CABP1: variants seen among roughly 807,000 people sequenced by gnomAD.
CABP1 encodes the protein calcium-binding protein 1.
A neutral mutation model predicts 34.3 loss-of-function variants in CABP1; 17 were observed. The ratio of observed to expected loss-of-function variants is 0.50; its 90% CI spans 0.34 to 0.74. The LOEUF (loss-of-function observed/expected upper bound fraction) is 0.74. Ranked by LOEUF, CABP1 falls within the 30% of genes least tolerant of loss-of-function variation. CABP1 has a pLI of 0.01. For missense variants in CABP1, 373 were observed against 511.1 expected, an observed-to-expected ratio of 0.73 and a Z score of 2.61; for synonymous variants, 198 against 229.2, an observed-to-expected ratio of 0.86 and a Z score of 1.23.
chr12:120,666,027 AAAAAG>A (rs1218702585), intron 5 of CABP1, among the ~76,000 whole-genome samples: 9 of 148,066 alleles, frequency 6.1e-5, no homozygotes, highest in South Asian at 2.2e-4. Context: ...CAAAAAAAAA[AAAAAG>A]AAAAGAGAGA....
intron 1 of CABP1, among the ~76,000 whole-genome samples, chr12:120,644,143 T>TC (rs2137326871): frequency 6.6e-6 from 1 of 152,346 alleles, no homozygotes; most frequent in South Asian, 2.1e-4. Context: ...GATCTCTGTG[T>TC]CCTTGGGCAT....
In CABP1 at chr12:120,655,813, G is replaced by A. The variant is rs1479417543; in HGVS notation, c.655-4065G>A. The A allele has an allele frequency of 6.7e-6, 10 of 1,492,770 alleles. No homozygotes were observed. In the African/African-American group the frequency reaches 1.2e-4, roughly 18 times the overall value. 92.5% of individuals were successfully genotyped at this position (1,492,770 alleles called of 1,614,324 possible). A position where few individuals can be genotyped will look rare whatever the true frequency, so the allele number is the denominator to read the frequency against. ...GGTGTGTGATTCTGTGCATATGTAT[G>A]TGCCAGTGCGTGCGTGCGTGTGTGT... is the stretch of plus-strand genomic sequence containing the variant. On this transcript the variant is annotated intron_variant, in intron 1 of 5. Transcript: ENST00000316803.
chr12:120,679,657 G>A, the CABP1 span, among the ~76,000 whole-genome samples: 2 of 151,098 alleles, frequency 1.3e-5, no homozygotes, highest in Admixed American at 1.3e-4. Context: ...GAGAAACCCC[G>A]TCTCTACTAA....
chr12:120,667,999 G>A (rs1306774978), downstream of CABP1, among the ~76,000 whole-genome samples: 1 of 152,198 alleles, frequency 6.6e-6, no homozygotes, highest in Non-Finnish European at 1.5e-5. Flanking sequence ...ATACTGGTTG[G>A]AGAGACAGGC....
the CABP1 span, among the ~76,000 whole-genome samples, chr12:120,675,040 AG>A: frequency 1.3e-5 from 2 of 150,766 alleles, no homozygotes; most frequent in African/African-American, 4.9e-5. Flanking sequence ...TTTTATTTTT[AG>A]TTTTTTTAAA....
chr12:120,640,728 G>C lies in CABP1; in HGVS notation c.43G>C (p.Gly15Arg). Reference protein sequence around the residue: ...DGAAFKRPGDGARLQRVLGLG... With the variant: ...DGAAFKRPGDRARLQRVLGLG... ...GGCCGCATTTAAGCGGCCGGGGGAC[G>C]GCGCCCGCCTCCAGCGCGTCCTCGG... The change falls in exon 1 of 6, where the codon GGC (glycine) becomes CGC (arginine). Residue 15 changes from glycine (G) to arginine (R), a missense_variant. Transcript: ENST00000316803. The surrounding 1 kb of genome is among the most constrained non-coding windows in gnomAD (Gnocchi z 6.2). 2 of 1,184,302 alleles carry C rather than the reference G, an allele frequency of 1.7e-6. No homozygotes were observed. The highest frequency in any genetic ancestry group is 1.0e-6 in the Non-Finnish European group (1 of 957,464). The allele number at this position is 1,184,302 out of a possible 1,614,324, so 73.4% of individuals were successfully genotyped here. A position where few individuals can be genotyped will look rare whatever the true frequency, so the allele number is the denominator to read the frequency against.
In CABP1 at chr12:120,640,837, C is replaced by A. The variant is rs1434786064; in HGVS notation, c.152C>A (p.Ala51Glu). ...RRTAPPPPGH[A>E]SAGPAAMSSH... ...ACCGCGCCGCCCCCGCCGGGCCATG[C>A]GAGCGCGGGCCCCGCCGCGATGAGC... The change falls in exon 1 of 6, where the codon GCG becomes GAG. Residue 51 changes from alanine (A) to glutamate (E), a missense_variant. By Grantham distance (107) the Ala-to-Glu change is moderately radical. This residue lies in a region of CABP1 where 134 missense variants were observed against 145.4 expected (regional missense o/e 0.92). Transcript: ENST00000316803. This position sits in a 1 kb window ranked among gnomAD's most constrained non-coding sequence, Gnocchi z 6.2. 2.8e-6 allele frequency: 3 copies of A among 1,073,164 alleles called. No individual in the cohort carries two copies. The highest frequency in any genetic ancestry group is 1.7e-5 in the African/African-American group (1 of 58,812). The allele number at this position is 1,073,164 out of a possible 1,614,324, so 66.5% of individuals were successfully genotyped here.
At chr12:120,657,619 T>G (rs1169803461) in intron 1 of CABP1, among the ~76,000 whole-genome samples, 1 of 152,160 alleles carries the variant, frequency 6.6e-6, no homozygotes, top group Non-Finnish European at 1.5e-5. Context: ...CATCCCTGGC[T>G]CTACTCCAGG....
At chr12:120,672,312 A>G (rs115014999), downstream of CABP1, among the ~76,000 whole-genome samples, 159 of 152,300 alleles carry the variant, frequency 1.0e-3, no homozygotes, top group African/African-American at 3.6e-3. Context: ...CAAATGGCTC[A>G]TATTCTTCAA....
chr12:120,656,131 G>A, intron 1 of CABP1: 1 of 1,614,206 alleles, frequency 6.2e-7, no homozygotes, highest in Non-Finnish European at 8.5e-7. Flanking sequence ...TGGTGGTGCA[G>A]ACGAGCGAGG....
the CABP1 span, among the ~76,000 whole-genome samples, chr12:120,675,861 A>C: frequency 6.6e-6 from 1 of 152,186 alleles, no homozygotes; most frequent in African/African-American, 2.4e-5. Flanking sequence ...TGATCACCTG[A>C]GGTCAGGAGT....
intron 1 of CABP1, among the ~76,000 whole-genome samples, chr12:120,656,503 G>A (rs1220237038): frequency 6.6e-6 from 1 of 152,148 alleles, no homozygotes; most frequent in East Asian, 1.9e-4. Context: ...GCACTTACTA[G>A]GTGAGCACTG....
intron 1 of CABP1, among the ~76,000 whole-genome samples, chr12:120,645,263 T>A (rs980748818): frequency 6.6e-6 from 1 of 152,146 alleles, no homozygotes; most frequent in Non-Finnish European, 1.5e-5. Context: ...GGAGCCCCTA[T>A]AGGCTTTCTC....
chr12:120,674,914 A>G, the CABP1 span, among the ~76,000 whole-genome samples: 1 of 150,054 alleles, frequency 6.7e-6, no homozygotes, highest in Non-Finnish European at 1.5e-5. Flanking sequence ...CCGCCAAAAA[A>G]AAAAAACACC....
At chr12:120,677,239 CACCATG>C in the CABP1 span, among the ~76,000 whole-genome samples, 1 of 151,822 alleles carries the variant, frequency 6.6e-6, no homozygotes, top group Non-Finnish European at 1.5e-5. Flanking sequence ...AGGCGCCTGC[CACCATG>C]CCTGGCTAAT....
intron 1 of CABP1, among the ~76,000 whole-genome samples, chr12:120,657,780 C>T (rs937005583): frequency 5.3e-5 from 8 of 152,252 alleles, no homozygotes; most frequent in South Asian, 4.1e-4. Flanking sequence ...ACAGGAGGAA[C>T]GGAAGGGGCT....
chr12:120,667,054 A>G lies in CABP1; in HGVS notation c.*154A>G. The G allele has an allele frequency of 5.8e-6, 4 of 694,442 alleles. No homozygotes were observed. Among genetic ancestry groups the G allele is most frequent in the Non-Finnish European group, 8.8e-6 (4 of 455,088 alleles). The allele number at this position is 694,442 out of a possible 1,614,324, so 43.0% of individuals were successfully genotyped here. ...GGGGAGGCGCCCACCCCGGACCCCC[A>G]CCCCTCCGCACTGTGAAAGACTAAC... On this transcript the variant is annotated 3_prime_UTR_variant, in exon 6 of 6. Transcript: ENST00000316803.
At chr12:120,672,982 A>G in the CABP1 span, among the ~76,000 whole-genome samples, 1 of 152,206 alleles carries the variant, frequency 6.6e-6, no homozygotes, top group East Asian at 1.9e-4. Context: ...GTGATCCGAG[A>G]TCGTGCCACT....
At chr12:120,647,904 A>G (rs1879625746) in intron 1 of CABP1, among the ~76,000 whole-genome samples, 1 of 152,008 alleles carries the variant, frequency 6.6e-6, no homozygotes. Flanking sequence ...CCTCTACATC[A>G]GTGCTTCCCA....
Sources: gnomAD v4.1 joint callset for allele counts (sites outside exome capture counted in the v4.1 genomes callset) on GRCh38, gnomAD v4.1.1 for gene constraint, gnomAD v4.1.1 regional missense constraint, Gnocchi (gnomAD v3.1) non-coding constraint, MANE v1.5 for transcripts, NCBI Gene and HGNC (gene_info 2026-07-23, HGNC 2026-07-21) for gene names.